The following PDGFC variants were observed in gnomAD, a reference collection of about 807,000 sequenced individuals.
PDGFC encodes the protein platelet-derived growth factor C.
In PDGFC, 12 loss-of-function variants were observed where a neutral mutation model predicts 35.5. The observed-to-expected ratio is 0.34, with a 90% CI of 0.22 to 0.55. PDGFC has a LOEUF of 0.55. PDGFC is among the 20% of genes least tolerant of loss of function. The pLI is 0.91. For synonymous variants in PDGFC, 159 were observed against 148.8 expected (o/e 1.07, Z -0.50); for missense variants, 322 against 412.4 (o/e 0.78, Z 1.90).
chr4:156,831,688 C>G (rs1728937377), intron 2 of PDGFC, among the ~76,000 whole-genome samples: 1 of 151,738 alleles, frequency 6.6e-6, no homozygotes. Context: ...GTGATCCATC[C>G]ACCTCGGCCT....
At chr4:156,924,400 C>T (rs934866291) in intron 1 of PDGFC, among the ~76,000 whole-genome samples, 1 of 152,026 alleles carries the variant, frequency 6.6e-6, no homozygotes, top group Non-Finnish European at 1.5e-5. Context: ...TTTCCTAGTT[C>T]TCAAAATTCA....
intron 1 of PDGFC, chr4:156,861,418 G>A (rs541379271): frequency 3.7e-5 from 42 of 1,132,578 alleles, no homozygotes; most frequent in Admixed American, 9.9e-5. Context: ...AAAAATATAC[G>A]TTTTGCTTAC....
chr4:156,840,446 T>C (rs1264982613), intron 2 of PDGFC, among the ~76,000 whole-genome samples: 1 of 152,232 alleles, frequency 6.6e-6, no homozygotes, highest in Admixed American at 6.5e-5. Flanking sequence ...ACTTAGACTT[T>C]AGAGGATCTA....
At chr4:156,784,754 T>C (rs1378309574) in intron 3 of PDGFC, among the ~76,000 whole-genome samples, 1 of 152,188 alleles carries the variant, frequency 6.6e-6, no homozygotes, top group African/African-American at 2.4e-5. Context: ...GGCAAAAATA[T>C]TTTTCTCATG....
intron 1 of PDGFC, among the ~76,000 whole-genome samples, chr4:156,862,639 G>C (rs1191481095): frequency 6.6e-6 from 1 of 151,674 alleles, no homozygotes; most frequent in Non-Finnish European, 1.5e-5. Flanking sequence ...TTGTTTAAGA[G>C]TGATATGATA....
At chr4:156,932,734 C>T (rs1466422903) in intron 1 of PDGFC, among the ~76,000 whole-genome samples, 7 of 105,456 alleles carry the variant, frequency 6.6e-5, no homozygotes, top group East Asian at 5.6e-4. Flanking sequence ...CATCACACAC[C>T]GGGGCCTGTT....
At chr4:156,959,517 C>T (rs1579126733) in intron 1 of PDGFC, among the ~76,000 whole-genome samples, 1 of 151,922 alleles carries the variant, frequency 6.6e-6, no homozygotes, top group African/African-American at 2.4e-5. Flanking sequence ...AACAAGCCTT[C>T]CTTAGATGGA....
chr4:156,796,909 A>AT (rs1234509900), intron 3 of PDGFC, among the ~76,000 whole-genome samples: 1 of 152,136 alleles, frequency 6.6e-6, no homozygotes, highest in African/African-American at 2.4e-5. Context: ...CAAAGTCACA[A>AT]TTTGCTACAA....
chr4:156,807,412 T>C lies in PDGFC; in HGVS notation c.495+3425A>G, dbSNP rs1731797206. Among the ~76,000 whole-genome samples, 4 of 151,856 alleles carry C rather than the reference T, an allele frequency of 2.6e-5. No homozygotes were observed. The South Asian group carries it at 8.3e-4, about 32-fold the overall frequency. On this transcript the variant is annotated intron_variant, in intron 3 of 5. Coordinates refer to ENST00000502773, the MANE Select transcript of PDGFC (RefSeq NM_016205.3). ...GTGAATCAAGAAAATGATATGGAAA[T>C]CCCAATATTGTAAAGGAAAGTACTG...
In PDGFC at chr4:156,814,047, G is replaced by A. The variant is rs12108573; in HGVS notation, c.315-3030C>T. On this transcript the variant is annotated intron_variant, in intron 2 of 5. Transcript: ENST00000502773. Reference sequence around the variant, plus strand: ...AATACTTGGCCTTCATAGCAACTGAGGCTGGGACTAAATGAAAAATGCTTC... The same window carrying A: ...AATACTTGGCCTTCATAGCAACTGAAGCTGGGACTAAATGAAAAATGCTTC... Among the ~76,000 whole-genome samples, 484 of 152,090 alleles carry A rather than the reference G, an allele frequency of 3.2e-3. 4 individuals carry two copies. Among genetic ancestry groups the A allele is most frequent in the African/African-American group, 0.011 (467 of 41,490 alleles).
intron 3 of PDGFC, among the ~76,000 whole-genome samples, chr4:156,784,926 T>C (rs1731080590): frequency 6.6e-6 from 1 of 152,224 alleles, no homozygotes; most frequent in South Asian, 2.1e-4. Context: ...AGGATAGTCA[T>C]TGTAGCATTA....
In PDGFC at chr4:156,854,476, T is replaced by A. The variant is rs539656267; in HGVS notation, c.119-4060A>T. Reference sequence around the variant, plus strand: ...GGCCTTATTTGTGGTTAAAAAAAAATTGTAAATTTTCTTTTAAGTTAAATT... The same window carrying A: ...GGCCTTATTTGTGGTTAAAAAAAAAATGTAAATTTTCTTTTAAGTTAAATT... On this transcript the variant is annotated intron_variant, in intron 1 of 5. Transcript: ENST00000502773. 2.6e-5 allele frequency among the ~76,000 whole-genome samples: 4 copies of A among 152,204 alleles called. No homozygotes were observed. The South Asian group carries it at 6.2e-4, about 24-fold the overall frequency.
chr4:156,950,123 T>C (rs1732044644), intron 1 of PDGFC, among the ~76,000 whole-genome samples: 2 of 151,898 alleles, frequency 1.3e-5, no homozygotes, highest in Admixed American at 1.3e-4. Flanking sequence ...AAGGATTATT[T>C]TGAGCTGAAG....
intron 1 of PDGFC, among the ~76,000 whole-genome samples, chr4:156,872,122 A>G (rs1339303438): frequency 1.3e-5 from 2 of 152,206 alleles, no homozygotes; most frequent in East Asian, 3.8e-4. Flanking sequence ...TGGATTAAAA[A>G]TATCAGCTTT....
At chr4:156,910,426 T>A (rs1731012202) in intron 1 of PDGFC, among the ~76,000 whole-genome samples, 1 of 152,126 alleles carries the variant, frequency 6.6e-6, no homozygotes, top group Non-Finnish European at 1.5e-5. Flanking sequence ...CCAGTTTATT[T>A]AACAGTCCAC....
chr4:156,899,069 A>G (rs768782181), intron 1 of PDGFC, among the ~76,000 whole-genome samples: 3 of 152,256 alleles, frequency 2.0e-5, no homozygotes, highest in Non-Finnish European at 4.4e-5. Flanking sequence ...TAATTAAAAC[A>G]AAACAAAACC....
chr4:156,846,688 T>C (rs1343030379), intron 2 of PDGFC, among the ~76,000 whole-genome samples: 1 of 151,832 alleles, frequency 6.6e-6, no homozygotes, highest in Non-Finnish European at 1.5e-5. Flanking sequence ...CTGCTACTAA[T>C]GTTCGATGGG....
intron 2 of PDGFC, among the ~76,000 whole-genome samples, chr4:156,816,206 T>C (rs756137530): frequency 6.6e-6 from 1 of 152,202 alleles, no homozygotes; most frequent in African/African-American, 2.4e-5. Flanking sequence ...ATCTACCCTA[T>C]GAATTATCAA....
chr4:156,948,973 G>A (rs936349031), intron 1 of PDGFC, among the ~76,000 whole-genome samples: 1 of 151,882 alleles, frequency 6.6e-6, no homozygotes, highest in Non-Finnish European at 1.5e-5. Context: ...CAAGGGACCA[G>A]TGTGAAATTC....
Sources: allele counts gnomAD v4.1 joint callset (sites outside exome capture counted in the v4.1 genomes callset), GRCh38; gene constraint gnomAD v4.1.1; transcripts MANE v1.5; gene names NCBI Gene and HGNC (gene_info 2026-07-23, HGNC 2026-07-21).